LRP1B: variants seen among roughly 807,000 people sequenced by gnomAD.
LRP1B encodes the protein LDL receptor related protein 1B.
In LRP1B, 217 loss-of-function variants were observed where a neutral mutation model predicts 556.6. The observed-to-expected ratio is 0.39, with a 90% CI of 0.35 to 0.44. LRP1B has a LOEUF of 0.44. LRP1B is among the 20% of genes least tolerant of loss of function. LRP1B has a pLI of 1.00. For missense variants in LRP1B, 5,053 were observed against 5,620.8 expected, an observed-to-expected ratio of 0.90 and a Z score of 3.23; for synonymous variants, 2,047 against 1,865.8, an observed-to-expected ratio of 1.10 and a Z score of -2.50.
Position 140,716,118 on chromosome 2 carries a change from G to T in LRP1B, c.5894-16C>A, listed in dbSNP as rs2105462055. The T allele has an allele frequency of 6.4e-7, 1 of 1,563,158 alleles. No homozygotes were observed. The highest frequency in any genetic ancestry group is 8.7e-7 in the Non-Finnish European group (1 of 1,146,282). Reference sequence around the variant, plus strand: ...TATATGTTACCTAGGAGAAATAATAGAGGTGTTTATAATACAGTTTTGAGA... The same window carrying T: ...TATATGTTACCTAGGAGAAATAATATAGGTGTTTATAATACAGTTTTGAGA... On this transcript the variant is annotated splice_polypyrimidine_tract_variant and intron_variant, in intron 36 of 90. Coordinates refer to ENST00000389484, the MANE Select transcript of LRP1B (RefSeq NM_018557.3).
chr2:141,789,902 T>A (rs910736492), intron 2 of LRP1B, among the ~76,000 whole-genome samples: 1 of 152,004 alleles, frequency 6.6e-6, no homozygotes, highest in Non-Finnish European at 1.5e-5. Flanking sequence ...CCTTCATTTT[T>A]CCCTTTTATT....
chr2:141,582,280 T>G (rs926120150), intron 2 of LRP1B, among the ~76,000 whole-genome samples: 1 of 152,228 alleles, frequency 6.6e-6, no homozygotes, highest in Non-Finnish European at 1.5e-5. Flanking sequence ...TTCAGAAATG[T>G]AAGCTGTATC....
rs560561993 is a variant in LRP1B at position 140,794,032 on chromosome 2, A to G, written c.5360-17794T>C. Among the ~76,000 whole-genome samples the G allele has an allele frequency of 3.8e-4, 58 of 152,232 alleles. 2 individuals carry two copies. The South Asian group carries it at 6.2e-3, about 16-fold the overall frequency. The stretch of plus-strand genomic sequence containing the variant: ...TTATGCTTATACCTGGAAATCTACT[A>G]GTTGTGTTCTCAGTACATTAGAAAT... On this transcript the variant is annotated intron_variant, in intron 32 of 90. Coordinates refer to ENST00000389484, the MANE Select transcript of LRP1B (RefSeq NM_018557.3).
At chr2:142,130,516 C>T in intron 1 of LRP1B, 132 bp downstream of exon 1, 2 of 724,518 alleles carry the variant, frequency 2.8e-6, no homozygotes, top group Non-Finnish European at 2.3e-6. Flanking sequence ...ACAGGGCCAG[C>T]GCACGGTGGT....
At chr2:140,686,609 T>C (rs1686061213) in intron 41 of LRP1B, among the ~76,000 whole-genome samples, 1 of 151,952 alleles carries the variant, frequency 6.6e-6, no homozygotes, top group Non-Finnish European at 1.5e-5. Context: ...GGTGGGAAAA[T>C]GACTTCAGTA....
At chr2:140,437,630 T>C (rs1301217645) in intron 66 of LRP1B, among the ~76,000 whole-genome samples, 2 of 152,212 alleles carry the variant, frequency 1.3e-5, no homozygotes, top group African/African-American at 2.4e-5. Flanking sequence ...CCCCCATAGG[T>C]TATCTTGAAA....
At chr2:140,432,333 C>T (rs1340056934) in intron 66 of LRP1B, among the ~76,000 whole-genome samples, 2 of 152,188 alleles carry the variant, frequency 1.3e-5, no homozygotes, top group Non-Finnish European at 2.9e-5. Flanking sequence ...CCGCCTGCAC[C>T]CAGGTGAAAC....
chr2:141,612,723 C>T (rs987855149), intron 2 of LRP1B, among the ~76,000 whole-genome samples: 1 of 152,186 alleles, frequency 6.6e-6, no homozygotes, highest in African/African-American at 2.4e-5. Flanking sequence ...ATAGGTTCAA[C>T]CCAGTAAATT....
intron 3 of LRP1B, among the ~76,000 whole-genome samples, chr2:141,361,906 G>C (rs1688838992): frequency 6.6e-6 from 1 of 152,098 alleles, no homozygotes; most frequent in Admixed American, 6.6e-5. Flanking sequence ...CAGAACCCTA[G>C]TACACTATCC....
At chr2:140,765,620 T>G (rs1689076313) in intron 35 of LRP1B, among the ~76,000 whole-genome samples, 2 of 152,164 alleles carry the variant, frequency 1.3e-5, no homozygotes, top group Non-Finnish European at 2.9e-5. Context: ...ATTTTAAATC[T>G]AGCCACAGGG....
At chr2:140,751,979 T>C (rs949523484) in intron 35 of LRP1B, among the ~76,000 whole-genome samples, 1 of 152,170 alleles carries the variant, frequency 6.6e-6, no homozygotes, top group Non-Finnish European at 1.5e-5. Flanking sequence ...GACAGCATTT[T>C]TTTTAGTCTG....
intron 2 of LRP1B, among the ~76,000 whole-genome samples, chr2:141,720,481 A>T (rs1355775656): frequency 6.6e-6 from 1 of 152,052 alleles, no homozygotes; most frequent in African/African-American, 2.4e-5. Context: ...GTAGACAGAA[A>T]ATGTCTCTAA....
intron 2 of LRP1B, among the ~76,000 whole-genome samples, chr2:141,748,894 A>T (rs906410513): frequency 6.6e-6 from 1 of 152,190 alleles, no homozygotes; most frequent in Admixed American, 6.6e-5. Context: ...TATCTCCCAG[A>T]AACAGTGGCT....
chr2:141,840,257 CTTTTTTTTTTTTTT>C (rs565362139), intron 1 of LRP1B, among the ~76,000 whole-genome samples: 1 of 84,230 alleles, frequency 1.2e-5, no homozygotes, highest in African/African-American at 4.8e-5. Context: ...AACAAATTTC[CTTTTTTTTTTTTTT>C]TTTTTTTTTT....
intron 2 of LRP1B, among the ~76,000 whole-genome samples, chr2:141,700,811 A>G (rs1255809730): frequency 6.6e-6 from 1 of 151,864 alleles, no homozygotes; most frequent in African/African-American, 2.4e-5. Context: ...AGGGAATTAG[A>G]GGATCAATGT....
At chr2:140,723,052 A>G (rs1258471133) in intron 35 of LRP1B, among the ~76,000 whole-genome samples, 2 of 152,188 alleles carry the variant, frequency 1.3e-5, no homozygotes, top group African/African-American at 2.4e-5. Context: ...CAAAAAATAA[A>G]TAAATAAAAT....
chr2:140,323,841 T>G (rs548687597), intron 81 of LRP1B, 52 bp downstream of exon 81: 13 of 893,112 alleles, frequency 1.5e-5, no homozygotes, highest in Non-Finnish European at 1.9e-5. Context: ...TTTTGAGAGA[T>G]ACAAGAAAAT....
chr2:141,024,846 A>G (rs1698173980), intron 11 of LRP1B, among the ~76,000 whole-genome samples: 1 of 152,020 alleles, frequency 6.6e-6, no homozygotes, highest in African/African-American at 2.4e-5. Context: ...ATGCTTTCAT[A>G]TACTGTGGGT....
At chr2:141,529,807 A>T (rs886103154) in intron 2 of LRP1B, among the ~76,000 whole-genome samples, 2 of 152,126 alleles carry the variant, frequency 1.3e-5, no homozygotes, top group African/African-American at 4.8e-5. Flanking sequence ...GTCATTTTTT[A>T]ACAGCTGGTG....
Sources: gnomAD v4.1 joint callset for allele counts (sites outside exome capture counted in the v4.1 genomes callset) on GRCh38, gnomAD v4.1.1 for gene constraint, MANE v1.5 for transcripts, NCBI Gene and HGNC (gene_info 2026-07-23, HGNC 2026-07-21) for gene names.